The following GPC6 variants were observed in gnomAD, a reference collection of about 807,000 sequenced individuals.
GPC6 encodes glypican-6.
GPC6 carries 14 observed loss-of-function variants against 55.2 expected under a neutral mutation model. That is an observed-to-expected ratio of 0.25 (90% CI 0.17 to 0.40). The LOEUF (loss-of-function observed/expected upper bound fraction) is 0.40, where lower values mean the gene tolerates loss of function less well. GPC6 is among the 10% of genes least tolerant of loss of function. The probability of loss-of-function intolerance (pLI) is 1.00; values close to 1 mark genes in which losing one functional copy is unlikely to be tolerated. For synonymous variants in GPC6, 278 were observed against 259.6 expected, an observed-to-expected ratio of 1.07 and a Z score of -0.68; for missense variants, 641 against 708.5, an observed-to-expected ratio of 0.90 and a Z score of 1.08.
At chr13:94,308,813 C>T (rs1174298932) in intron 6 of GPC6, among the ~76,000 whole-genome samples, 2 of 152,208 alleles carry the variant, frequency 1.3e-5, no homozygotes, top group Non-Finnish European at 2.9e-5. Context: ...CGAGGTTATT[C>T]CTGAGAGACA....
chr13:94,288,940 TAGATAGA>T (rs1594135668), intron 5 of GPC6, among the ~76,000 whole-genome samples: 114 of 117,716 alleles, frequency 9.7e-4, no homozygotes, highest in Admixed American at 1.4e-3. Flanking sequence ...TATAGATAGA[TAGATAGA>T]TAGATATATA....
intron 2 of GPC6, among the ~76,000 whole-genome samples, chr13:93,824,707 C>T (rs1414168443): frequency 6.6e-6 from 1 of 151,894 alleles, no homozygotes; most frequent in Non-Finnish European, 1.5e-5. Context: ...TGCAAGATGA[C>T]AAGAGGGCAA....
intron 6 of GPC6, among the ~76,000 whole-genome samples, chr13:94,375,616 G>C (rs1258604027): frequency 1.3e-5 from 2 of 149,812 alleles, no homozygotes; most frequent in Non-Finnish European, 3.0e-5. Context: ...TTCTACCAGA[G>C]GTACAAGGAG....
At chr13:93,493,754 T>G (rs1022748467) in intron 1 of GPC6, among the ~76,000 whole-genome samples, 1 of 123,596 alleles carries the variant, frequency 8.1e-6, no homozygotes, top group Non-Finnish European at 1.7e-5. Flanking sequence ...AAGAACATCT[T>G]TATTTCTGCC....
intron 1 of GPC6, among the ~76,000 whole-genome samples, chr13:93,433,698 GAGAC>G (rs1252260306): frequency 2.0e-5 from 3 of 152,248 alleles, no homozygotes; most frequent in South Asian, 4.1e-4. Flanking sequence ...GAAAAAGAGG[GAGAC>G]AGACAGAGTC....
intron 3 of GPC6, among the ~76,000 whole-genome samples, chr13:93,953,293 A>G (rs984410985): frequency 2.6e-5 from 4 of 151,898 alleles, no homozygotes; most frequent in Non-Finnish European, 4.4e-5. Flanking sequence ...CCTTCTTTGT[A>G]TGTTCCCCTT....
In GPC6 at chr13:94,142,174, A is replaced by C. The variant is rs540763018; in HGVS notation, c.877+114280A>C. On this transcript the variant is annotated intron_variant, in intron 4 of 8. Transcript: ENST00000377047. ...CATGTGAAGACGCATTTAAAAGAATACACACCTATATACACGTGTGTAATT... is the reference window on the plus strand; with the variant it reads ...CATGTGAAGACGCATTTAAAAGAATCCACACCTATATACACGTGTGTAATT... Among the ~76,000 whole-genome samples the C allele has an allele frequency of 2.1e-4, 32 of 152,362 alleles. No individual in the cohort carries two copies. In the East Asian group the frequency reaches 2.9e-3, roughly 14 times the overall value.
At chr13:93,936,599 T>C (rs890050851) in intron 3 of GPC6, among the ~76,000 whole-genome samples, 2 of 152,174 alleles carry the variant, frequency 1.3e-5, no homozygotes, top group African/African-American at 4.8e-5. Flanking sequence ...ATTATGCACC[T>C]ACTCAAATAT....
chr13:94,157,459 A>T (rs944969398), intron 4 of GPC6, among the ~76,000 whole-genome samples: 1 of 152,096 alleles, frequency 6.6e-6, no homozygotes, highest in Non-Finnish European at 1.5e-5. Flanking sequence ...GGAGAGTGGG[A>T]GTAGAAATAG....
intron 2 of GPC6, among the ~76,000 whole-genome samples, chr13:93,700,659 T>C (rs1226483061): frequency 6.6e-6 from 1 of 152,154 alleles, no homozygotes; most frequent in African/African-American, 2.4e-5. Context: ...ACATTGTCCT[T>C]GTAGTCTGCA....
At chr13:94,402,964 A>G (rs1187877910) in intron 8 of GPC6, 51 bp from the exon 9 acceptor site, 2 of 1,316,696 alleles carry the variant, frequency 1.5e-6, no homozygotes, top group African/African-American at 2.9e-5. Flanking sequence ...GGGGCCACAA[A>G]GCCTAAACAT....
intron 1 of GPC6, among the ~76,000 whole-genome samples, chr13:93,429,603 G>A (rs1877279955): frequency 1.3e-5 from 2 of 152,130 alleles, no homozygotes; most frequent in Admixed American, 1.3e-4. Flanking sequence ...TTTTTCTGGA[G>A]AATATCATGA....
intron 3 of GPC6, among the ~76,000 whole-genome samples, chr13:93,934,666 A>G (rs1048692366): frequency 6.6e-6 from 1 of 151,156 alleles, no homozygotes; most frequent in African/African-American, 2.5e-5. Context: ...GTGAATTTCC[A>G]TCATCTGAAT....
At chr13:93,625,041 T>A (rs916647090) in intron 2 of GPC6, among the ~76,000 whole-genome samples, 8 of 152,222 alleles carry the variant, frequency 5.3e-5, no homozygotes, top group African/African-American at 2.4e-5. Context: ...ATGCTTACTA[T>A]GCTCCGAATT....
chr13:93,686,679 TAA>T (rs780549226), intron 2 of GPC6, among the ~76,000 whole-genome samples: 13 of 152,188 alleles, frequency 8.5e-5, no homozygotes, highest in Non-Finnish European at 1.3e-4. Flanking sequence ...AAGGAATTGT[TAA>T]AAGAGTCATA....
At chr13:93,523,337 G>A (rs1450176411) in intron 1 of GPC6, among the ~76,000 whole-genome samples, 5 of 147,884 alleles carry the variant, frequency 3.4e-5, no homozygotes, top group Admixed American at 6.7e-5. Flanking sequence ...ATATATGCAT[G>A]TGTATATGTA....
In GPC6 at chr13:93,929,023, A is replaced by G. The variant is rs548089935; in HGVS notation, c.711+98478A>G. Among the ~76,000 whole-genome samples the G allele has an allele frequency of 2.0e-4, 30 of 152,290 alleles. No homozygotes were observed. The South Asian group carries it at 6.0e-3, about 31-fold the overall frequency. On this transcript the variant is annotated intron_variant, in intron 3 of 8. Coordinates refer to ENST00000377047, the MANE Select transcript of GPC6 (RefSeq NM_005708.5). Reference sequence around the variant, plus strand: ...TTTTCATTGCCAGCAAAGCTTTCACAAGGGAGAAAACACTGTGTTCTGTGG... The same window carrying G: ...TTTTCATTGCCAGCAAAGCTTTCACGAGGGAGAAAACACTGTGTTCTGTGG...
At chr13:94,297,244 T>C (rs142943757) in intron 5 of GPC6, among the ~76,000 whole-genome samples, 10 of 152,284 alleles carry the variant, frequency 6.6e-5, no homozygotes, top group South Asian at 2.1e-4. Context: ...ACGTGTCCAA[T>C]TGGCATATCC....
At chr13:94,177,921 A>G (rs1237911349) in intron 4 of GPC6, among the ~76,000 whole-genome samples, 2 of 151,948 alleles carry the variant, frequency 1.3e-5, no homozygotes, top group Non-Finnish European at 2.9e-5. Flanking sequence ...TTTATATTCT[A>G]TCTGTCCAAA....
Sources: allele counts gnomAD v4.1 joint callset (sites outside exome capture counted in the v4.1 genomes callset), GRCh38; gene constraint gnomAD v4.1.1; transcripts MANE v1.5; gene names NCBI Gene and HGNC (gene_info 2026-07-23, HGNC 2026-07-21).